CEP63: variants seen among roughly 807,000 people sequenced by gnomAD.
CEP63 encodes centrosomal protein of 63 kDa.
In CEP63, 84 loss-of-function variants were observed where a neutral mutation model predicts 89.1. That is an observed-to-expected ratio of 0.94 (90% CI 0.79 to 1.13). The LOEUF is 1.13. Ranked by LOEUF, CEP63 falls within the 50% of genes most tolerant of loss-of-function variation. CEP63 has a pLI of 0.00. For missense variants in CEP63, 838 were observed against 813.3 expected (o/e 1.03, Z -0.37); for synonymous variants, 267 against 272.5 (o/e 0.98, Z 0.20).
intron 10 of CEP63, among the ~76,000 whole-genome samples, chr3:134,582,135 A>AC (rs397777405): frequency 1.3e-5 from 2 of 151,642 alleles, no homozygotes; most frequent in African/African-American, 2.4e-5. Context: ...AGGGAAAAAA[A>AC]CTGGCAGAAA....
At chr3:134,509,851 G>A (rs1200355509) in intron 3 of CEP63, among the ~76,000 whole-genome samples, 1 of 152,178 alleles carries the variant, frequency 6.6e-6, no homozygotes, top group African/African-American at 2.4e-5. Context: ...CAGGTTTTGA[G>A]TATATATAAA....
At chr3:134,647,594 C>T in the CEP63 span, 5 of 674,556 alleles carry the variant, frequency 7.4e-6, no homozygotes, top group African/African-American at 3.7e-5. Context: ...GCAGGTGGAT[C>T]TTGGCTCTCT....
chr3:134,766,828 T>C, the CEP63 span, among the ~76,000 whole-genome samples: 2 of 152,226 alleles, frequency 1.3e-5, no homozygotes, highest in Admixed American at 1.3e-4. Flanking sequence ...TTGCTCCTGG[T>C]AGCCTTTAAG....
At chr3:134,654,995 C>T in the CEP63 span, among the ~76,000 whole-genome samples, 1 of 152,290 alleles carries the variant, frequency 6.6e-6, no homozygotes, top group South Asian at 2.1e-4. Flanking sequence ...GCAGTTATGC[C>T]AGGCAAACCT....
rs186536174 is a variant in CEP63, at chr3:134,557,941, G to A, written c.1468-201G>A. ...AATTCCTTGCCACACAAGGAAGCCC[G>A]TTGTGCTTCTAGTGTTCCACTACCA... On this transcript the variant is annotated intron_variant, in intron 12 of 14. Transcript: ENST00000675561. Among the ~76,000 whole-genome samples, 443 of 152,160 alleles carry A rather than the reference G, an allele frequency of 2.9e-3. 1 individual carries two copies. The highest frequency in any genetic ancestry group is 0.01 in the African/African-American group (427 of 41,510).
the CEP63 span, among the ~76,000 whole-genome samples, chr3:134,617,277 C>T: frequency 6.6e-6 from 1 of 152,160 alleles, no homozygotes; most frequent in Non-Finnish European, 1.5e-5. Flanking sequence ...AGATGCTAGG[C>T]ACAAATGGAG....
chr3:134,547,527 A>T, intron 9 of CEP63, 55 bp downstream of exon 9: 4 of 1,473,086 alleles, frequency 2.7e-6, no homozygotes, highest in Non-Finnish European at 2.8e-6. Flanking sequence ...TGAATTTTTG[A>T]TCATCATATT....
chr3:134,508,580 CATT>C lies in CEP63; in HGVS notation c.222+1296_222+1298del, dbSNP rs375440965. 4.3e-3 allele frequency among the ~76,000 whole-genome samples: 660 copies of C among 152,182 alleles called. 3 individuals are homozygous for C. The Middle Eastern group carries it at 0.054, about 13-fold the overall frequency. ...TAGATTGTTTATTTTGTTAGAAACT[CATT>C]AAAGAATTATGTGTGATTATGATAA... On this transcript the variant is annotated intron_variant, in intron 3 of 14. Transcript: ENST00000675561.
the CEP63 span, among the ~76,000 whole-genome samples, chr3:134,748,336 AT>A: frequency 6.6e-6 from 1 of 152,024 alleles, no homozygotes; most frequent in Non-Finnish European, 1.5e-5. Context: ...TCAAACTAAT[AT>A]GTGTATTTAT....
At chr3:134,709,850 C>T in the CEP63 span, among the ~76,000 whole-genome samples, 7 of 152,054 alleles carry the variant, frequency 4.6e-5, no homozygotes, top group East Asian at 1.9e-4. Context: ...AGAGTGCACC[C>T]GGCATTAATA....
intron 6 of CEP63, among the ~76,000 whole-genome samples, chr3:134,538,179 G>A (rs915940647): frequency 7.2e-6 from 1 of 139,600 alleles, no homozygotes; most frequent in Non-Finnish European, 1.5e-5. Flanking sequence ...TGGGTAAGTT[G>A]AAATAGCTAG....
intron 3 of CEP63, among the ~76,000 whole-genome samples, chr3:134,515,076 T>C (rs563242810): frequency 1.3e-5 from 2 of 152,328 alleles, no homozygotes; most frequent in South Asian, 4.1e-4. Flanking sequence ...TGGTGTTATA[T>C]TTAAGTCAGG....
intron 2 of CEP63, among the ~76,000 whole-genome samples, chr3:134,500,255 T>C (rs1222152438): frequency 6.6e-6 from 1 of 152,222 alleles, no homozygotes; most frequent in African/African-American, 2.4e-5. Flanking sequence ...TGCATCCACA[T>C]TGCTGCAAAG....
intron 12 of CEP63, among the ~76,000 whole-genome samples, chr3:134,557,627 T>A (rs1392278777): frequency 6.6e-6 from 1 of 152,056 alleles, no homozygotes; most frequent in Non-Finnish European, 1.5e-5. Context: ...CTTTATCATG[T>A]CCAAATTTAT....
chr3:134,542,416 G>T (rs1394560447), intron 6 of CEP63, among the ~76,000 whole-genome samples: 1 of 152,168 alleles, frequency 6.6e-6, no homozygotes, highest in Non-Finnish European at 1.5e-5. Context: ...AGTGATAAGA[G>T]AATCTTACTA....
the CEP63 span, among the ~76,000 whole-genome samples, chr3:134,770,760 T>A: frequency 6.6e-6 from 1 of 152,208 alleles, no homozygotes; most frequent in East Asian, 1.9e-4. Context: ...AGATTCCACC[T>A]TCTTCTTGTC....
exon 12 of CEP63, chr3:134,574,852 C>A: frequency 1.6e-6 from 1 of 617,272 alleles, no homozygotes; most frequent in Admixed American, 2.3e-5. Flanking sequence ...AAGCAATCCG[C>A]CAGCCTCAGC....
At chr3:134,602,926 T>G in the CEP63 span, among the ~76,000 whole-genome samples, 1 of 152,334 alleles carries the variant, frequency 6.6e-6, no homozygotes, top group Non-Finnish European at 1.5e-5. Flanking sequence ...TACTTAGGGA[T>G]GTTGGAGACG....
the CEP63 span, among the ~76,000 whole-genome samples, chr3:134,666,791 A>G: frequency 1.3e-5 from 2 of 152,202 alleles, no homozygotes; most frequent in Non-Finnish European, 2.9e-5. Context: ...GCTCTGTCCT[A>G]TCAGTTCATT....
Sources: allele counts gnomAD v4.1 joint callset (sites outside exome capture counted in the v4.1 genomes callset), GRCh38; gene constraint gnomAD v4.1.1; transcripts MANE v1.5; gene names NCBI Gene and HGNC (gene_info 2026-07-23, HGNC 2026-07-21).